Variants in PLXNA2 observed in about 807,000 individuals in gnomAD.
PLXNA2 encodes plexin-A2.
Under a neutral mutation model 193.5 loss-of-function variants are expected in PLXNA2, and 91 were observed. The observed-to-expected ratio is 0.47, with a 90% CI of 0.40 to 0.56. The LOEUF is 0.56. PLXNA2 is among the 20% of genes least tolerant of loss of function. PLXNA2 has a pLI of 0.00. For missense variants in PLXNA2, 1,995 were observed against 2,503.2 expected (o/e 0.80, Z 4.33); for synonymous variants, 997 against 1,027.3 (o/e 0.97, Z 0.56).
At chr1:208,056,814 T>C (rs1665447575) in intron 13 of PLXNA2, among the ~76,000 whole-genome samples, 1 of 151,918 alleles carries the variant, frequency 6.6e-6, no homozygotes, top group African/African-American at 2.4e-5. Flanking sequence ...GTGGAATGAG[T>C]GGGCAGAGGG....
intron 1 of PLXNA2, among the ~76,000 whole-genome samples, chr1:208,227,249 G>C (rs952661024): frequency 2.6e-5 from 4 of 152,090 alleles, no homozygotes; most frequent in Non-Finnish European, 5.9e-5. Context: ...AAACTATGAA[G>C]AGTAGCTACT....
chr1:208,094,461 T>A (rs1666814383), intron 8 of PLXNA2, among the ~76,000 whole-genome samples: 1 of 152,206 alleles, frequency 6.6e-6, no homozygotes, highest in Non-Finnish European at 1.5e-5. Context: ...TAAAACTTGC[T>A]GCCTGTGACA....
intron 26 of PLXNA2, among the ~76,000 whole-genome samples, chr1:208,036,589 C>A (rs986848880): frequency 7.9e-5 from 12 of 152,176 alleles, no homozygotes; most frequent in African/African-American, 2.9e-4. Context: ...CCAGTGAGCA[C>A]GCAGTAAGTG....
At chr1:208,128,759 TG>T (rs999628685) in intron 4 of PLXNA2, among the ~76,000 whole-genome samples, 1 of 137,826 alleles carries the variant, frequency 7.3e-6, no homozygotes, top group African/African-American at 2.7e-5. Flanking sequence ...TGGAGTGCAG[TG>T]GAGCGATCTC....
intron 12 of PLXNA2, among the ~76,000 whole-genome samples, chr1:208,063,530 C>A (rs1265035735): frequency 6.6e-6 from 1 of 152,180 alleles, no homozygotes; most frequent in Non-Finnish European, 1.5e-5. Context: ...TTCCAGCTAG[C>A]AGCTGGGGGA....
At chr1:208,187,236 C>T (rs1337331843) in intron 3 of PLXNA2, among the ~76,000 whole-genome samples, 1 of 152,148 alleles carries the variant, frequency 6.6e-6, no homozygotes, top group Non-Finnish European at 1.5e-5. Context: ...GACCTGGAGA[C>T]CCTTAGAGAA....
chr1:208,199,565 C>A (rs1477075358), intron 3 of PLXNA2, among the ~76,000 whole-genome samples: 1 of 152,070 alleles, frequency 6.6e-6, no homozygotes, highest in African/African-American at 2.4e-5. Flanking sequence ...GTGGCATGAG[C>A]CTGTAATCCC....
chr1:208,162,700 C>T (rs1669170504), intron 3 of PLXNA2, among the ~76,000 whole-genome samples: 1 of 152,014 alleles, frequency 6.6e-6, no homozygotes, highest in South Asian at 2.1e-4. Flanking sequence ...ACATTAAATG[C>T]CTACAATAGC....
At position 208,217,402 on chromosome 1, in the gene PLXNA2, C is replaced by T. The variant is rs146682244; in HGVS notation, c.521G>A (p.Arg174His). 6.5e-5 allele frequency: 105 copies of T among 1,614,174 alleles called. No homozygotes were observed. The highest frequency in any genetic ancestry group is 4.3e-4 in the African/African-American group (32 of 75,046). Residue 174 changes from arginine (R) to histidine (H), a missense_variant, in exon 2 of 32, where the codon CGC becomes CAC. Physicochemically the swap from Arg to His is conservative, Grantham distance 29. This residue lies in a region of PLXNA2 where 702 missense variants were observed against 812.9 expected (regional missense o/e 0.86). Transcript: ENST00000367033. This position sits in a 1 kb window ranked among gnomAD's most constrained non-coding sequence, Gnocchi z 4.7. The part of the protein sequence containing the change: ...KTGTMYGVIV[R>H]SEGEDGKLFI... ...GAGCTTGCCATCCTCACCCTCAGAG[C>T]GCACAATCACCCCGTACATGGTGCC...
rs573699971 is a variant in PLXNA2, at chr1:208,067,269, G to A, written c.2587-6432C>T. ...TGAGGCAGGAGAATCACTTGAAGCC[G>A]GGAGACAGAGGTTGCAGTGAGCCGA... On this transcript the variant is annotated intron_variant, in intron 12 of 31. Coordinates refer to ENST00000367033, the MANE Select transcript of PLXNA2 (RefSeq NM_025179.4). Among the ~76,000 whole-genome samples, 128 of 151,764 alleles carry A rather than the reference G, an allele frequency of 8.4e-4. No individual in the cohort carries two copies. The Middle Eastern group carries it at 0.01, about 12-fold the overall frequency.
intron 1 of PLXNA2, among the ~76,000 whole-genome samples, chr1:208,230,885 G>T (rs1332125231): frequency 6.6e-6 from 1 of 152,170 alleles, no homozygotes; most frequent in African/African-American, 2.4e-5. Flanking sequence ...CACACACCAA[G>T]CAAGGGGAGT....
rs1223742763 is a variant in PLXNA2 at position 208,217,370 on chromosome 1, C to T, written c.553G>A (p.Gly185Ser). 2.5e-6 allele frequency: 4 copies of T among 1,614,108 alleles called. No homozygotes were observed. Among genetic ancestry groups the T allele is most frequent in the Non-Finnish European group, 2.5e-6 (3 of 1,180,020 alleles). ...SEGEDGKLFIGTAVDGKQDYF... is the reference protein window; with the variant it reads ...SEGEDGKLFISTAVDGKQDYF... ...TCCTGCTTCCCATCCACAGCCGTGC[C>T]GATGAAGAGCTTGCCATCCTCACCC... The change falls in exon 2 of 32, where the codon GGC becomes AGC. Residue 185 changes from glycine (G) to serine (S), a missense_variant. Gly to Ser is a moderately conservative substitution (Grantham distance 56). Around this residue, in one of 3 missense-constraint regions of PLXNA2, gnomAD observed 702 missense variants for 812.9 expected, o/e 0.86. Transcript: ENST00000367033. The surrounding 1 kb of genome is among the most constrained non-coding windows in gnomAD (Gnocchi z 4.7).
intron 3 of PLXNA2, among the ~76,000 whole-genome samples, chr1:208,192,294 C>T (rs1316359412): frequency 1.4e-5 from 2 of 145,690 alleles, no homozygotes; most frequent in African/African-American, 2.6e-5. Flanking sequence ...CCATGGACAC[C>T]GGGTTTGGGG....
intron 5 of PLXNA2, 27 bp downstream of exon 5, chr1:208,103,120 C>T (rs780480471): frequency 3.2e-6 from 5 of 1,554,094 alleles, no homozygotes; most frequent in Middle Eastern, 1.7e-4. Context: ...GCATGCCAAA[C>T]CCTTTTCCAG....
chr1:208,088,583 C>A (rs1176971499), intron 9 of PLXNA2, among the ~76,000 whole-genome samples: 2 of 152,228 alleles, frequency 1.3e-5, no homozygotes, highest in Non-Finnish European at 2.9e-5. Flanking sequence ...CATGTCACAG[C>A]CTGATCTGAC....
At chr1:208,157,227 T>C (rs1025012120) in intron 3 of PLXNA2, among the ~76,000 whole-genome samples, 1 of 152,248 alleles carries the variant, frequency 6.6e-6, no homozygotes, top group African/African-American at 2.4e-5. Flanking sequence ...AATCTCATGC[T>C]GGATCCTGGT....
rs1664746724 is a variant in PLXNA2 at position 208,038,488 on chromosome 1, G to A, written c.4661-14C>T. On this transcript the variant is annotated splice_polypyrimidine_tract_variant and intron_variant, in intron 25 of 31. Transcript: ENST00000367033. This position sits in a 1 kb window ranked among gnomAD's most constrained non-coding sequence, Gnocchi z 4.1. ...CTTGGCGCCACTCTGGGTGGAGGGG[G>A]TGGTGCAGGGAGCGGCGTGAGAGGG... 1.2e-6 allele frequency: 2 copies of A among 1,600,396 alleles called. No homozygotes were observed. Among genetic ancestry groups the A allele is most frequent in the Non-Finnish European group, 1.7e-6 (2 of 1,167,586 alleles).
intron 3 of PLXNA2, among the ~76,000 whole-genome samples, chr1:208,186,912 G>A (rs1033500241): frequency 7.3e-5 from 11 of 150,426 alleles, no homozygotes; most frequent in Non-Finnish European, 1.5e-4. Context: ...TAGTAGAGAC[G>A]GGGTTTCACC....
At chr1:208,030,718 G>A (rs564435199) in intron 29 of PLXNA2, 40 of 985,442 alleles carry the variant, frequency 4.1e-5, no homozygotes, top group East Asian at 2.3e-4. Context: ...TGAGGAGACC[G>A]CTAACTCCAG....
Sources: gnomAD v4.1 joint callset for allele counts (sites outside exome capture counted in the v4.1 genomes callset) on GRCh38, gnomAD v4.1.1 for gene constraint, gnomAD v4.1.1 regional missense constraint, Gnocchi (gnomAD v3.1) non-coding constraint, MANE v1.5 for transcripts, NCBI Gene and HGNC (gene_info 2026-07-23, HGNC 2026-07-21) for gene names.